IMMP2L: variants seen among roughly 807,000 people sequenced by gnomAD.
The protein encoded by IMMP2L is mitochondrial inner membrane protease subunit 2.
IMMP2L carries 18 observed loss-of-function variants against 19.3 expected under a neutral mutation model. The observed-to-expected ratio is 0.93, with a 90% CI of 0.64 to 1.38. The LOEUF (loss-of-function observed/expected upper bound fraction) is 1.38. Among genes scored for constraint, IMMP2L ranks in the 40% most tolerant of loss-of-function variants. IMMP2L has a pLI of 0.00. For missense variants in IMMP2L, 233 were observed against 218.2 expected, an observed-to-expected ratio of 1.07 and a Z score of -0.43; for synonymous variants, 76 against 73.0, an observed-to-expected ratio of 1.04 and a Z score of -0.21.
intron 5 of IMMP2L, among the ~76,000 whole-genome samples, chr7:110,833,439 C>A (rs1172968926): frequency 2.7e-3 from 312 of 115,388 alleles, no homozygotes; most frequent in East Asian, 5.4e-3. Context: ...AACTTCGTCT[C>A]AAAAAAAAAA....
intron 3 of IMMP2L, among the ~76,000 whole-genome samples, chr7:111,126,334 T>TA (rs1158710149): frequency 6.6e-6 from 1 of 152,156 alleles, no homozygotes; most frequent in Non-Finnish European, 1.5e-5. Flanking sequence ...ATAAAACATA[T>TA]AGCATTAGTA....
chr7:111,313,908 G>T (rs1339475726), intron 3 of IMMP2L, among the ~76,000 whole-genome samples: 1 of 152,068 alleles, frequency 6.6e-6, no homozygotes, highest in Non-Finnish European at 1.5e-5. Flanking sequence ...ATGTTTAATG[G>T]CTTGGTGCTG....
rs1361700178 is a variant in IMMP2L at position 111,335,932 on chromosome 7, A to AT, written c.239+151305dup. 1.4e-4 allele frequency among the ~76,000 whole-genome samples: 22 copies of AT among 152,260 alleles called. 1 individual carries two copies. Among genetic ancestry groups the AT allele is most frequent in the South Asian group, 1.0e-3 (5 of 4,828 alleles). ...AATAATAATTACCTATGGGGTAGGAATTGCTCTTGGCTAAAAAGGGTAAGA... is the reference window on the plus strand; with the variant it reads ...AATAATAATTACCTATGGGGTAGGAATTTGCTCTTGGCTAAAAAGGGTAAGA... On this transcript the variant is annotated intron_variant, in intron 3 of 5. Transcript: ENST00000405709.
At chr7:111,021,883 A>AAAAC (rs35897140) in intron 3 of IMMP2L, among the ~76,000 whole-genome samples, 33 of 150,426 alleles carry the variant, frequency 2.2e-4, no homozygotes, top group Middle Eastern at 3.5e-3. Flanking sequence ...ACTCCATATC[A>AAAAC]AAACAAACAA....
chr7:111,043,024 C>T (rs566381391), intron 3 of IMMP2L, among the ~76,000 whole-genome samples: 1 of 152,242 alleles, frequency 6.6e-6, no homozygotes, highest in Non-Finnish European at 1.5e-5. Context: ...ATTTCTATTT[C>T]TACAGCTGAT....
rs1043530256 is a variant in IMMP2L at position 110,758,291 on chromosome 7, A to G, written c.409-94570T>C. Among the ~76,000 whole-genome samples the G allele has an allele frequency of 2.0e-5, 3 of 152,096 alleles. No homozygotes were observed. The highest frequency in any genetic ancestry group is 6.6e-5 in the Admixed American group (1 of 15,242). The stretch of plus-strand genomic sequence containing the variant: ...GGGAGGAGAAAAAACACCAGTTGTG[A>G]GTAAAGACAACTTTTTGAAGGAGTT... On this transcript the variant is annotated intron_variant, in intron 5 of 5. Transcript: ENST00000405709. The surrounding 1 kb of genome is among the most constrained non-coding windows in gnomAD (Gnocchi z 4.6).
intron 3 of IMMP2L, among the ~76,000 whole-genome samples, chr7:111,149,842 C>T (rs1338551894): frequency 2.0e-5 from 3 of 151,994 alleles, no homozygotes; most frequent in Non-Finnish European, 4.4e-5. Context: ...GTGGGAGAAT[C>T]ACTTTATGTT....
intron 4 of IMMP2L, among the ~76,000 whole-genome samples, chr7:110,957,571 A>G (rs1213926738): frequency 6.6e-6 from 1 of 151,960 alleles, no homozygotes; most frequent in East Asian, 1.9e-4. Context: ...AAATGAATCC[A>G]AAGTCCTTTC....
intron 3 of IMMP2L, chr7:111,097,092 T>G (rs1797479881): frequency 6.6e-6 from 1 of 151,902 alleles, no homozygotes; most frequent in Admixed American, 6.6e-5. Flanking sequence ...ATCACCACTT[T>G]TTGCATGTTT....
At chr7:110,818,709 C>A (rs1424366054) in intron 5 of IMMP2L, among the ~76,000 whole-genome samples, 2 of 151,880 alleles carry the variant, frequency 1.3e-5, no homozygotes, top group African/African-American at 4.8e-5. Flanking sequence ...TGGAACCAAC[C>A]CAAATGTCCA....
At chr7:111,100,611 G>A (rs1296543066) in intron 3 of IMMP2L, among the ~76,000 whole-genome samples, 1 of 150,852 alleles carries the variant, frequency 6.6e-6, no homozygotes, top group East Asian at 1.9e-4. Flanking sequence ...AGTATTACTT[G>A]TGGATTTTCT....
At chr7:111,319,153 G>A (rs1824412687) in intron 3 of IMMP2L, among the ~76,000 whole-genome samples, 2 of 152,120 alleles carry the variant, frequency 1.3e-5, no homozygotes, top group Non-Finnish European at 2.9e-5. Context: ...AAGACTTTGT[G>A]AGGAATCATT....
chr7:110,792,187 T>C (rs1422205945), intron 5 of IMMP2L, among the ~76,000 whole-genome samples: 1 of 151,658 alleles, frequency 6.6e-6, no homozygotes, highest in Non-Finnish European at 1.5e-5. Context: ...GTGCACCCTC[T>C]ACCCTTAGCT....
chr7:111,532,107 A>G, intron 1 of IMMP2L, among the ~76,000 whole-genome samples: 1 of 152,168 alleles, frequency 6.6e-6, no homozygotes, highest in South Asian at 2.1e-4. Flanking sequence ...AACCTAAAAA[A>G]AGAAGGGTAC....
At chr7:111,413,749 C>T (rs1288807862) in intron 3 of IMMP2L, among the ~76,000 whole-genome samples, 2 of 121,262 alleles carry the variant, frequency 1.6e-5, no homozygotes, top group Non-Finnish European at 3.4e-5. Flanking sequence ...TTACCCTTCC[C>T]TGTCCTGCTT....
chr7:111,166,275 A>T (rs1489264086), intron 3 of IMMP2L, among the ~76,000 whole-genome samples: 1 of 152,060 alleles, frequency 6.6e-6, no homozygotes, highest in Non-Finnish European at 1.5e-5. Context: ...TTTAAATTCT[A>T]GACAATCAAA....
At chr7:111,497,462 C>T (rs1843699310) in intron 2 of IMMP2L, among the ~76,000 whole-genome samples, 1 of 151,940 alleles carries the variant, frequency 6.6e-6, no homozygotes, top group South Asian at 2.1e-4. Flanking sequence ...AATGGTTAAA[C>T]TTTATGGATA....
intron 2 of IMMP2L, among the ~76,000 whole-genome samples, chr7:111,505,286 A>G (rs1158189242): frequency 6.6e-6 from 1 of 150,966 alleles, no homozygotes; most frequent in African/African-American, 2.4e-5. Flanking sequence ...ACCATCTCAC[A>G]CCAGTTAGAA....
intron 3 of IMMP2L, among the ~76,000 whole-genome samples, chr7:111,233,879 A>G (rs1813992127): frequency 6.6e-6 from 1 of 152,122 alleles, no homozygotes; most frequent in Admixed American, 6.6e-5. Flanking sequence ...TTAAAATTAT[A>G]GAATATAATT....
Sources: allele counts gnomAD v4.1 joint callset (sites outside exome capture counted in the v4.1 genomes callset), GRCh38; gene constraint gnomAD v4.1.1; non-coding constraint Gnocchi (gnomAD v3.1); transcripts MANE v1.5; gene names NCBI Gene and HGNC (gene_info 2026-07-23, HGNC 2026-07-21).